Variants in SLC35F4 observed in about 807,000 individuals in gnomAD.
SLC35F4 encodes the protein solute carrier family 35 member F4.
In SLC35F4, 24 loss-of-function variants were observed where a neutral mutation model predicts 44.2. The ratio of observed to expected loss-of-function variants is 0.54; its 90% confidence interval spans 0.39 to 0.76. The LOEUF (loss-of-function observed/expected upper bound fraction) is 0.76, where lower values mean the gene tolerates loss of function less well. Among genes scored for constraint, SLC35F4 ranks in the 30% least tolerant of loss-of-function variants. The pLI, the probability that SLC35F4 is intolerant of heterozygous loss-of-function variation, is 0.00. For synonymous variants in SLC35F4, 238 were observed against 223.6 expected, an observed-to-expected ratio of 1.06 and a Z score of -0.57; for missense variants, 562 against 586.1, an observed-to-expected ratio of 0.96 and a Z score of 0.42.
At chr14:57,777,402 A>G (rs887518319) in intron 1 of SLC35F4, among the ~76,000 whole-genome samples, 3 of 152,238 alleles carry the variant, frequency 2.0e-5, no homozygotes, top group African/African-American at 7.2e-5. Flanking sequence ...GATAGACTGG[A>G]TTAAGAAAAT....
intron 1 of SLC35F4, among the ~76,000 whole-genome samples, chr14:57,922,326 A>G (rs1302094716): frequency 6.6e-6 from 1 of 152,192 alleles, no homozygotes; most frequent in Non-Finnish European, 1.5e-5. Context: ...AATTCATATC[A>G]CTACTTTCCC....
chr14:57,937,225 G>A (rs1832077), intron 1 of SLC35F4, among the ~76,000 whole-genome samples: 5,749 of 151,980 alleles, frequency 0.038, 370 homozygotes, highest in African/African-American at 0.13. Context: ...GCGCCACTAC[G>A]CCCAGCTAAT....
At chr14:57,572,417 A>C (rs185321153) in intron 4 of SLC35F4, among the ~76,000 whole-genome samples, 1 of 152,250 alleles carries the variant, frequency 6.6e-6, no homozygotes, top group Admixed American at 6.5e-5. Flanking sequence ...CCAATTCAGC[A>C]TACATTTTAA....
intron 1 of SLC35F4, among the ~76,000 whole-genome samples, chr14:57,830,469 G>A (rs57267953): frequency 6.6e-5 from 10 of 152,254 alleles, no homozygotes; most frequent in African/African-American, 2.4e-4. Flanking sequence ...CCCCAAATAT[G>A]AAGTTACAAC....
chr14:57,573,340 A>C (rs1019868574), intron 4 of SLC35F4, among the ~76,000 whole-genome samples: 1 of 152,228 alleles, frequency 6.6e-6, no homozygotes, highest in African/African-American at 2.4e-5. Flanking sequence ...TTGAGAATAG[A>C]CATAGACATG....
intron 1 of SLC35F4, among the ~76,000 whole-genome samples, chr14:57,618,753 C>T (rs2072006245): frequency 6.6e-6 from 1 of 152,306 alleles, no homozygotes; most frequent in Admixed American, 6.5e-5. Flanking sequence ...CTTGGCAGGT[C>T]CCACCCGCAC....
intron 1 of SLC35F4, among the ~76,000 whole-genome samples, chr14:57,634,815 G>C (rs77192796): frequency 1.3e-5 from 2 of 152,258 alleles, no homozygotes; most frequent in Non-Finnish European, 2.9e-5. Flanking sequence ...AAAGGTGATA[G>C]TGACTTCACC....
chr14:57,822,810 C>T (rs1183163503), intron 1 of SLC35F4, among the ~76,000 whole-genome samples: 1 of 152,104 alleles, frequency 6.6e-6, no homozygotes, highest in Admixed American at 6.6e-5. Flanking sequence ...TTTTTTTCTC[C>T]ACCACTCTTG....
chr14:57,791,915 G>A (rs1478846921), intron 1 of SLC35F4, among the ~76,000 whole-genome samples: 1 of 151,580 alleles, frequency 6.6e-6, no homozygotes, highest in Non-Finnish European at 1.5e-5. Flanking sequence ...GTTGACCAAT[G>A]AGAACGTATG....
intron 1 of SLC35F4, among the ~76,000 whole-genome samples, chr14:57,692,595 T>C (rs529605608): frequency 2.8e-4 from 42 of 152,282 alleles, no homozygotes; most frequent in Middle Eastern, 3.4e-3. Context: ...GTGGTGCTAT[T>C]GTGGATGGCA....
At chr14:57,853,376 C>G (rs548640549) in intron 1 of SLC35F4, among the ~76,000 whole-genome samples, 1 of 152,164 alleles carries the variant, frequency 6.6e-6, no homozygotes, top group Non-Finnish European at 1.5e-5. Context: ...ATAAAAAATG[C>G]AATGTTCTGT....
chr14:57,670,293 T>C lies in SLC35F4; in HGVS notation c.104-76169A>G, dbSNP rs986029451. Among the ~76,000 whole-genome samples the C allele has an allele frequency of 9.2e-5, 14 of 152,222 alleles. No individual in the cohort carries two copies. In the South Asian group the frequency reaches 1.0e-3, roughly 11 times the overall value. ...TTTCAAAGAACAGCTCCTGGATTCA[T>C]TGAATTTTTTGAAGGGTTTTTTGTG... On this transcript the variant is annotated intron_variant, in intron 1 of 7. Coordinates refer to ENST00000556826, the MANE Select transcript of SLC35F4 (RefSeq NM_001306087.2).
At chr14:57,662,097 G>T (rs1249424507) in intron 1 of SLC35F4, among the ~76,000 whole-genome samples, 2 of 152,204 alleles carry the variant, frequency 1.3e-5, no homozygotes, top group Non-Finnish European at 2.9e-5. Context: ...GGATTTTGCT[G>T]CCACCATTCA....
At chr14:57,791,483 G>C (rs560988875) in intron 1 of SLC35F4, among the ~76,000 whole-genome samples, 1 of 152,182 alleles carries the variant, frequency 6.6e-6, no homozygotes, top group Non-Finnish European at 1.5e-5. Flanking sequence ...GGAAACAACA[G>C]ATGCTGGAGA....
At chr14:57,607,715 T>G (rs1479139774) in intron 1 of SLC35F4, among the ~76,000 whole-genome samples, 1 of 152,190 alleles carries the variant, frequency 6.6e-6, no homozygotes, top group Non-Finnish European at 1.5e-5. Context: ...CTGTGTAACG[T>G]GGAGAACGGA....
At chr14:57,966,822 C>T (rs1262341592) in intron 1 of SLC35F4, among the ~76,000 whole-genome samples, 1 of 152,038 alleles carries the variant, frequency 6.6e-6, no homozygotes, top group Non-Finnish European at 1.5e-5. Flanking sequence ...CCAGCCTGGC[C>T]AACATGGCGA....
At chr14:57,811,462 T>C (rs1881957957) in intron 1 of SLC35F4, among the ~76,000 whole-genome samples, 1 of 152,184 alleles carries the variant, frequency 6.6e-6, no homozygotes, top group African/African-American at 2.4e-5. Context: ...CAAATAGCCC[T>C]TCCCCTTTCC....
At chr14:57,580,162 A>C (rs2069143156) in intron 4 of SLC35F4, among the ~76,000 whole-genome samples, 1 of 152,200 alleles carries the variant, frequency 6.6e-6, no homozygotes, top group African/African-American at 2.4e-5. Flanking sequence ...TTCATTTCTA[A>C]ATTTCAGAGC....
chr14:57,660,886 G>A (rs1159960651), intron 1 of SLC35F4, among the ~76,000 whole-genome samples: 3 of 151,894 alleles, frequency 2.0e-5, no homozygotes, highest in Admixed American at 6.6e-5. Context: ...CCAAATTCCT[G>A]ACTCTCAGAA....
Sources: gnomAD v4.1 joint callset for allele counts (sites outside exome capture counted in the v4.1 genomes callset) on GRCh38, gnomAD v4.1.1 for gene constraint, MANE v1.5 for transcripts, NCBI Gene and HGNC (gene_info 2026-07-23, HGNC 2026-07-21) for gene names.